Variants in TBC1D31 observed in about 807,000 individuals in gnomAD.
TBC1D31 encodes the protein WD repeat domain 67.
TBC1D31 carries 99 observed loss-of-function variants against 132.9 expected under a neutral mutation model. The ratio of observed to expected loss-of-function variants is 0.74; its 90% CI spans 0.63 to 0.88. The LOEUF is 0.88. TBC1D31 is among the 40% of genes least tolerant of loss of function. The pLI is 0.00. For missense variants in TBC1D31, 1,134 were observed against 1,256.6 expected, an observed-to-expected ratio of 0.90 and a Z score of 1.48; for synonymous variants, 385 against 419.4, an observed-to-expected ratio of 0.92 and a Z score of 1.00.
chr8:123,143,711 G>T (rs1275732805), intron 19 of TBC1D31, among the ~76,000 whole-genome samples: 1 of 152,134 alleles, frequency 6.6e-6, no homozygotes, highest in Non-Finnish European at 1.5e-5. Flanking sequence ...TTCCATTCTA[G>T]GACAGGAAAG....
chr8:123,162,470 T>C, the TBC1D31 span, among the ~76,000 whole-genome samples: 1 of 151,856 alleles, frequency 6.6e-6, no homozygotes, highest in Non-Finnish European at 1.5e-5. Flanking sequence ...CAGGCCCAGG[T>C]GATGAAAACA....
chr8:123,125,254 GTCTTATATACGGC>G (rs1344992305), intron 11 of TBC1D31, among the ~76,000 whole-genome samples: 1 of 152,110 alleles, frequency 6.6e-6, no homozygotes, highest in East Asian at 1.9e-4. Context: ...CAAACCGATG[GTCTTATATACGGC>G]TTTGAGAACA....
intron 4 of TBC1D31, 152 bp downstream of exon 4, chr8:123,084,492 G>A (rs968362275): frequency 1.8e-5 from 12 of 660,280 alleles, no homozygotes; most frequent in South Asian, 1.2e-4. Flanking sequence ...ACACAAAGAT[G>A]TTGCCTATAG....
At chr8:123,137,485 G>A (rs1821209380) in intron 17 of TBC1D31, among the ~76,000 whole-genome samples, 1 of 152,206 alleles carries the variant, frequency 6.6e-6, no homozygotes, top group Non-Finnish European at 1.5e-5. Context: ...GTCCAGGAGA[G>A]ACCAGGCAGA....
intron 21 of TBC1D31, 83 bp from the exon 22 acceptor site, chr8:123,151,723 C>A: frequency 7.5e-7 from 1 of 1,325,162 alleles, no homozygotes; most frequent in Non-Finnish European, 1.0e-6. Flanking sequence ...GTTTTTACAA[C>A]ACATTTATCT....
chr8:123,114,861 T>C (rs970049622), intron 10 of TBC1D31, among the ~76,000 whole-genome samples: 4 of 152,214 alleles, frequency 2.6e-5, no homozygotes, highest in Non-Finnish European at 5.9e-5. Flanking sequence ...AATCATACTA[T>C]ACATACTATT....
intron 3 of TBC1D31, chr8:123,083,340 T>A (rs1290739894): frequency 1.3e-5 from 2 of 152,464 alleles, no homozygotes; most frequent in Admixed American, 6.5e-5. Context: ...CACAAGTACA[T>A]CAGAATCAAG....
At chr8:123,078,557 C>T (rs970155370) in intron 2 of TBC1D31, among the ~76,000 whole-genome samples, 2 of 152,112 alleles carry the variant, frequency 1.3e-5, no homozygotes, top group African/African-American at 4.8e-5. Context: ...TTTCAAAATA[C>T]CACTTTCTAC....
chr8:123,149,911 A>G (rs1822606065), intron 20 of TBC1D31, 125 bp from the exon 21 acceptor site: 3 of 597,756 alleles, frequency 5.0e-6, no homozygotes, highest in Admixed American at 2.9e-5. Context: ...CATTCTTCTT[A>G]AAATAGAAAA....
At chr8:123,101,075 A>C in intron 7 of TBC1D31, 68 bp downstream of exon 7, 1 of 1,183,328 alleles carries the variant, frequency 8.5e-7, no homozygotes, top group Non-Finnish European at 1.2e-6. Flanking sequence ...TCAAGAATAA[A>C]ATCTTTATGC....
chr8:123,120,267 A>G lies in TBC1D31; in HGVS notation c.1570+79A>G, dbSNP rs1751412751. The G allele has an allele frequency of 5.1e-6, 6 of 1,187,522 alleles. No individual in the cohort carries two copies. The Admixed American group carries it at 8.6e-5, about 17-fold the overall frequency. The allele number at this position is 1,187,522 out of a possible 1,614,324, so 73.6% of individuals were successfully genotyped here. A position where few individuals can be genotyped will look rare whatever the true frequency, so the allele number is the denominator to read the frequency against. On this transcript the variant is annotated intron_variant, in intron 11 of 21. Coordinates refer to ENST00000287380, the MANE Select transcript of TBC1D31 (RefSeq NM_145647.4). ...CCTGATGTCTTTGCACCTTTGCAAC[A>G]TTTAACAATTCTAGATGTCTCTACT...
chr8:123,102,649 A>T (rs1354528324), intron 7 of TBC1D31: 2 of 190,530 alleles, frequency 1.0e-5, no homozygotes, highest in Non-Finnish European at 2.1e-5. Context: ...TAATAGTTGC[A>T]GTGCTTTCAT....
chr8:123,103,024 A>C (rs901409414), intron 7 of TBC1D31: 4 of 152,240 alleles, frequency 2.6e-5, no homozygotes, highest in African/African-American at 4.8e-5. Flanking sequence ...TGTATTAAAT[A>C]AGATGTCTTT....
chr8:123,121,237 C>T (rs1250111150), intron 11 of TBC1D31, among the ~76,000 whole-genome samples: 1 of 152,134 alleles, frequency 6.6e-6, no homozygotes, highest in Admixed American at 6.5e-5. Flanking sequence ...GGATTACAGA[C>T]GTGAGCCCCT....
intron 10 of TBC1D31, among the ~76,000 whole-genome samples, chr8:123,115,919 A>G (rs1818866622): frequency 6.6e-6 from 1 of 152,196 alleles, no homozygotes; most frequent in South Asian, 2.1e-4. Context: ...TAATATCTTC[A>G]TGGATTACAG....
rs569549393 is a variant in TBC1D31 at position 123,103,346 on chromosome 8, A to T, written c.1033-1942A>T. ...GTGCTATATATTAATAAATTTTTTT[A>T]AATGTATTAATATCTGCTCTTACTG... On this transcript the variant is annotated intron_variant, in intron 7 of 21. Transcript: ENST00000287380. The T allele has an allele frequency of 4.6e-5, 7 of 152,184 alleles. No individual in the cohort carries two copies. In the East Asian group the frequency reaches 9.6e-4, roughly 21 times the overall value. 9.4% of individuals were successfully genotyped at this position (152,184 alleles called of 1,614,324 possible). A position where few individuals can be genotyped will look rare whatever the true frequency, so the allele number is the denominator to read the frequency against.
At chr8:123,104,335 T>C (rs967257089) in intron 7 of TBC1D31, 4 of 152,310 alleles carry the variant, frequency 2.6e-5, no homozygotes, top group Middle Eastern at 3.4e-3. Context: ...TATTTATTGT[T>C]TGTAAACACA....
At chr8:123,092,416 C>A (rs1816413444) in intron 4 of TBC1D31, among the ~76,000 whole-genome samples, 1 of 152,042 alleles carries the variant, frequency 6.6e-6, no homozygotes, top group Non-Finnish European at 1.5e-5. Context: ...TTACTCCCAG[C>A]GGCAGTGTAT....
At chr8:123,120,963 C>CTTTTTTTTTTTTTTTTTTT in intron 11 of TBC1D31, among the ~76,000 whole-genome samples, 1 of 135,882 alleles carries the variant, frequency 7.4e-6, no homozygotes, top group Non-Finnish European at 1.6e-5. Context: ...ATTTTAACCT[C>CTTTTTTTTTTTTTTTTTTT]TTTTTTTTTT....
Sources: allele counts gnomAD v4.1 joint callset (sites outside exome capture counted in the v4.1 genomes callset), GRCh38; gene constraint gnomAD v4.1.1; transcripts MANE v1.5; gene names NCBI Gene and HGNC (gene_info 2026-07-23, HGNC 2026-07-21).